ADGRB1: variants seen among roughly 807,000 people sequenced by gnomAD.
The protein encoded by ADGRB1 is adhesion G protein-coupled receptor B1, also known as brain-specific angiogenesis inhibitor 1.
Under a neutral mutation model 175.7 loss-of-function variants are expected in ADGRB1, and 36 were observed. That is an observed-to-expected ratio of 0.20 (90% CI 0.16 to 0.27). The LOEUF (loss-of-function observed/expected upper bound fraction) is 0.27, where lower values mean the gene tolerates loss of function less well. ADGRB1 is among the 10% of genes least tolerant of loss of function. ADGRB1 has a pLI of 1.00. For synonymous variants in ADGRB1, 1,054 were observed against 979.4 expected (o/e 1.08, Z -1.42); for missense variants, 1,731 against 2,255.3 (o/e 0.77, Z 4.71).
chr8:142,455,613 G>A lies in ADGRB1; in HGVS notation c.-220+5509G>A, dbSNP rs1043547141. Among the ~76,000 whole-genome samples the A allele has an allele frequency of 2.0e-5, 3 of 152,208 alleles. No homozygotes were observed. The highest frequency in any genetic ancestry group is 2.9e-5 in the Non-Finnish European group (2 of 68,034). ...CAGAGACTGGGGTGGACCTTGAGAT[G>A]AGACAGAACCTGTGTCCTGGTGCCT... On this transcript the variant is annotated intron_variant, in intron 1 of 30. Transcript: ENST00000517894. The surrounding 1 kb of genome is among the most constrained non-coding windows in gnomAD (Gnocchi z 4.9).
Position 142,543,316 on chromosome 8 carries a change from T to C in ADGRB1, c.4414-87T>C, listed in dbSNP as rs1317058938. On this transcript the variant is annotated intron_variant, in intron 28 of 30. Transcript: ENST00000517894. This position sits in a 1 kb window ranked among gnomAD's most constrained non-coding sequence, Gnocchi z 4.4. ...TGAAGGCAGGCATGGGGCGAGTGAG[T>C]CCCTGATGCCCTCAGTCTGAGGCAG... is the stretch of plus-strand genomic sequence containing the variant. The C allele has an allele frequency of 1.3e-6, 2 of 1,555,010 alleles. No homozygotes were observed. Among genetic ancestry groups the C allele is most frequent in the Non-Finnish European group, 1.8e-6 (2 of 1,137,986 alleles).
rs778724347 is a variant in ADGRB1, at chr8:142,489,099, G to A, written c.2517G>A (p.Leu839=). ...TCTACAGGAACCTGGGCAGCTTCCTGGCCCTGCAGAGGTGGGGAGCCCTGG... is the reference window on the plus strand; with the variant it reads ...TCTACAGGAACCTGGGCAGCTTCCTAGCCCTGCAGAGGTGGGGAGCCCTGG... ...TVLYRNLGSF[L]ALQRNTTVLN... is the part of the protein sequence containing the mutation. Residue 839 remains leucine (L), a synonymous_variant, in exon 15 of 31, where the codon CTG becomes CTA. Transcript: ENST00000517894. 6.2e-7 allele frequency: 1 copy of A among 1,607,812 alleles called. No homozygotes were observed. The highest frequency in any genetic ancestry group is 1.7e-5 in the Admixed American group (1 of 59,480).
intron 1 of ADGRB1, among the ~76,000 whole-genome samples, chr8:142,454,865 T>C (rs1001166714): frequency 6.6e-6 from 1 of 152,124 alleles, no homozygotes; most frequent in African/African-American, 2.4e-5. Flanking sequence ...ACTAGCCTCC[T>C]TCCTCCACAG....
In ADGRB1 at chr8:142,464,920, C is replaced by T; in HGVS notation, c.722C>T (p.Ala241Val). The T allele has an allele frequency of 6.5e-7, 1 of 1,529,398 alleles. No individual in the cohort carries two copies. 94.7% of individuals were successfully genotyped at this position (1,529,398 alleles called of 1,614,324 possible). A position where few individuals can be genotyped will look rare whatever the true frequency, so the allele number is the denominator to read the frequency against. The part of the protein sequence containing the change: ...RGDVCLRDAV[A>V]GGPENCLTSL... The stretch of plus-strand genomic sequence containing the variant: ...GATGTCTGCTTGAGAGATGCGGTGG[C>T]TGGTGGCCCTGAAAACTGCCTCACC... Residue 241 changes from alanine (A) to valine (V), a missense_variant, in exon 2 of 31, where the codon GCT becomes GTT. Ala to Val is a moderately conservative substitution (Grantham distance 64, BLOSUM62 0). Around this residue, in one of 8 missense-constraint regions of ADGRB1, gnomAD observed 383 missense variants for 383.1 expected, o/e 1.00. Transcript: ENST00000517894.
chr8:142,464,448 A>G lies in ADGRB1; in HGVS notation c.250A>G (p.Met84Val), dbSNP rs763640463. ...GGACCCGCGGCGCTACACTCTCTACATGAAGGTGGCCAAGGCGCCCGTGCC... is the reference window on the plus strand; with the variant it reads ...GGACCCGCGGCGCTACACTCTCTACGTGAAGGTGGCCAAGGCGCCCGTGCC... ...NPDPRRYTLY[M>V]KVAKAPVPCS... The change falls in exon 2 of 31, where the codon ATG (methionine) becomes GTG (valine). Residue 84 changes from methionine to valine, a missense_variant. Physicochemically the swap from Met to Val is conservative, Grantham distance 21. Around this residue, in one of 8 missense-constraint regions of ADGRB1, gnomAD observed 383 missense variants for 383.1 expected, o/e 1.00. Transcript: ENST00000517894. 32 of 1,576,406 alleles carry G rather than the reference A, an allele frequency of 2.0e-5. No homozygotes were observed. Among genetic ancestry groups the G allele is most frequent in the African/African-American group, 8.2e-5 (6 of 73,300 alleles).
chr8:142,526,286 AG>A (rs1242195295), intron 23 of ADGRB1, among the ~76,000 whole-genome samples: 2 of 152,124 alleles, frequency 1.3e-5, no homozygotes, highest in African/African-American at 4.8e-5. Context: ...CGCTGGTGGA[AG>A]GGATGCAAGG....
intron 23 of ADGRB1, among the ~76,000 whole-genome samples, chr8:142,524,736 G>C (rs1473455149): frequency 6.6e-6 from 1 of 152,126 alleles, no homozygotes; most frequent in Non-Finnish European, 1.5e-5. Flanking sequence ...GCCCCTTCGG[G>C]GGCCCCGGTG....
chr8:142,459,822 A>G (rs1373068553), intron 1 of ADGRB1, among the ~76,000 whole-genome samples: 3 of 152,250 alleles, frequency 2.0e-5, no homozygotes, highest in South Asian at 2.1e-4. Context: ...GCTCTCTGGA[A>G]GTCTCCTGTG....
At chr8:142,479,587 G>A (rs1169513140) in intron 8 of ADGRB1, 100 bp downstream of exon 8, 29 of 1,542,650 alleles carry the variant, frequency 1.9e-5, no homozygotes, top group African/African-American at 1.1e-4. Context: ...GGGGGCTCCC[G>A]TCCTGTCCTC....
rs1488829655 is a variant in ADGRB1, at chr8:142,481,557, G to A, written c.1976G>A (p.Gly659Glu). The stretch of plus-strand genomic sequence containing the variant: ...GCCAAGGCTCAGCGAGGGCTGCCTG[G>A]GGAGGGGGTCTCGGAGGTCATCCAG... ...HLAKAQRGLP[G>E]EGVSEVIQTL... The change falls in exon 11 of 31, where the codon GGG becomes GAG. Residue 659 changes from glycine to glutamate, a missense_variant. Physicochemically the swap from Gly to Glu is moderately conservative, Grantham distance 98 (BLOSUM62 -2). Transcript: ENST00000517894. The A allele has an allele frequency of 8.8e-6, 14 of 1,597,436 alleles. No homozygotes were observed. Among genetic ancestry groups the A allele is most frequent in the African/African-American group, 1.3e-5 (1 of 74,574 alleles).
intron 2 of ADGRB1, among the ~76,000 whole-genome samples, chr8:142,473,949 G>A (rs1840796438): frequency 6.6e-6 from 1 of 152,228 alleles, no homozygotes; most frequent in African/African-American, 2.4e-5. Flanking sequence ...ATCAAAGTGG[G>A]GCCCCGGGAG....
intron 25 of ADGRB1, among the ~76,000 whole-genome samples, chr8:142,535,363 G>T (rs1330672355): frequency 6.6e-6 from 1 of 152,106 alleles, no homozygotes; most frequent in Non-Finnish European, 1.5e-5. Context: ...ATGCTCCTAT[G>T]GTGGGCGGGG....
At chr8:142,529,269 TGA>T (rs1042185802) in intron 24 of ADGRB1, among the ~76,000 whole-genome samples, 1 of 152,076 alleles carries the variant, frequency 6.6e-6, no homozygotes, top group Non-Finnish European at 1.5e-5. Context: ...TATGTGTGTA[TGA>T]GTGTGCATAT....
At position 142,464,125 on chromosome 8, in the gene ADGRB1, G is replaced by A; in HGVS notation, c.-74G>A. On this transcript the variant is annotated 5_prime_UTR_variant, in exon 2 of 31. Transcript: ENST00000517894. ...ACCGGGCCGGCCCTGCCCGCCGCCG[G>A]ACCCTGGCATGTCAAGACCTGGTCC... is the stretch of plus-strand genomic sequence containing the variant. 1 of 1,188,200 alleles carries A rather than the reference G, an allele frequency of 8.4e-7. No individual in the cohort carries two copies. Among genetic ancestry groups the A allele is most frequent in the Non-Finnish European group, 1.0e-6 (1 of 957,606 alleles). 73.6% of individuals were successfully genotyped at this position (1,188,200 alleles called of 1,614,324 possible).
At chr8:142,536,888 C>A in intron 25 of ADGRB1, 99 bp from the exon 26 acceptor site, 1 of 1,051,984 alleles carries the variant, frequency 9.5e-7, no homozygotes, top group South Asian at 1.7e-5. Context: ...TGCCCTTCCC[C>A]GAGACGCCCG....
In ADGRB1 at chr8:142,455,996, A is replaced by G. The variant is rs1839650502; in HGVS notation, c.-220+5892A>G. Among the ~76,000 whole-genome samples the G allele has an allele frequency of 6.6e-6, 1 of 152,034 alleles. No individual in the cohort carries two copies. The highest frequency in any genetic ancestry group is 2.4e-5 in the African/African-American group (1 of 41,382). On this transcript the variant is annotated intron_variant, in intron 1 of 30. Transcript: ENST00000517894. The surrounding 1 kb of genome is among the most constrained non-coding windows in gnomAD (Gnocchi z 4.9). ...AGTGCCAGGGAGGGTAGGGCTGTCCAGGCAAGTCTTGGTGAGGCCCCAGTT... is the reference window on the plus strand; with the variant it reads ...AGTGCCAGGGAGGGTAGGGCTGTCCGGGCAAGTCTTGGTGAGGCCCCAGTT...
chr8:142,463,748 G>C (rs942161816), intron 1 of ADGRB1, among the ~76,000 whole-genome samples: 9 of 152,268 alleles, frequency 5.9e-5, no homozygotes, highest in Admixed American at 5.9e-4. Context: ...GAGGTACTTT[G>C]TTCCCCAAGC....
At chr8:142,472,158 G>A (rs1389034946) in intron 2 of ADGRB1, among the ~76,000 whole-genome samples, 1 of 152,194 alleles carries the variant, frequency 6.6e-6, no homozygotes, top group Non-Finnish European at 1.5e-5. Context: ...CCAGCTGGAG[G>A]GAGGGACGCC....
intron 27 of ADGRB1, 28 bp from the exon 28 acceptor site, chr8:142,541,913 C>T (rs1193870409): frequency 4.6e-6 from 7 of 1,520,410 alleles, no homozygotes; most frequent in East Asian, 4.9e-5. Flanking sequence ...CACACCTGTC[C>T]CCGCTGTCTC....
Sources: gnomAD v4.1 joint callset for allele counts (sites outside exome capture counted in the v4.1 genomes callset) on GRCh38, gnomAD v4.1.1 for gene constraint, gnomAD v4.1.1 regional missense constraint, Gnocchi (gnomAD v3.1) non-coding constraint, MANE v1.5 for transcripts, NCBI Gene and HGNC (gene_info 2026-07-23, HGNC 2026-07-21) for gene names.